The following GPR158 variants were observed in gnomAD, a reference collection of about 807,000 sequenced individuals.
GPR158 encodes metabotropic glycine receptor.
Under a neutral mutation model 78.2 loss-of-function variants are expected in GPR158, and 30 were observed. The observed-to-expected ratio is 0.38, with a 90% CI of 0.29 to 0.52. The LOEUF (loss-of-function observed/expected upper bound fraction) is 0.52, where lower values mean the gene tolerates loss of function less well. GPR158 is among the 20% of genes least tolerant of loss of function. The pLI, the probability that GPR158 is intolerant of heterozygous loss-of-function variation, is 0.83. For synonymous variants in GPR158, 581 were observed against 591.1 expected (o/e 0.98, Z 0.25); for missense variants, 1,463 against 1,523.5 (o/e 0.96, Z 0.66).
chr10:25,484,049 G>C (rs756255310), intron 5 of GPR158, among the ~76,000 whole-genome samples: 10 of 152,070 alleles, frequency 6.6e-5, no homozygotes, highest in African/African-American at 2.4e-4. Context: ...TTATAGAAAA[G>C]ACCGATAATA....
chr10:25,284,791 G>A (rs1854324548), intron 2 of GPR158, among the ~76,000 whole-genome samples: 1 of 151,122 alleles, frequency 6.6e-6, no homozygotes, highest in African/African-American at 2.4e-5. Flanking sequence ...AAATATTTTA[G>A]TGGTTACTGT....
intron 4 of GPR158, among the ~76,000 whole-genome samples, chr10:25,425,139 C>G (rs1393022904): frequency 2.0e-5 from 3 of 151,034 alleles, no homozygotes; most frequent in Non-Finnish European, 4.4e-5. Flanking sequence ...TTATTCTCTT[C>G]AATTGTGAAT....
At chr10:25,558,343 G>T (rs1288895750) in intron 6 of GPR158, among the ~76,000 whole-genome samples, 1 of 152,194 alleles carries the variant, frequency 6.6e-6, no homozygotes. Context: ...TTCTTCGTTA[G>T]CAACTCTCTG....
At chr10:25,582,981 G>A (rs1379005841) in intron 7 of GPR158, among the ~76,000 whole-genome samples, 1 of 152,180 alleles carries the variant, frequency 6.6e-6, no homozygotes, top group East Asian at 1.9e-4. Context: ...ATTTCCAGGG[G>A]TTAAGAAAAT....
At chr10:25,231,772 C>A (rs558822461) in intron 2 of GPR158, among the ~76,000 whole-genome samples, 3 of 152,224 alleles carry the variant, frequency 2.0e-5, no homozygotes, top group East Asian at 1.9e-4. Flanking sequence ...ACAGGGATGA[C>A]AAGAGGATTC....
intron 4 of GPR158, among the ~76,000 whole-genome samples, chr10:25,433,579 G>A (rs1439596456): frequency 4.9e-5 from 7 of 144,064 alleles, no homozygotes; most frequent in South Asian, 4.5e-4. Context: ...GTGCGCGCGC[G>A]CGTGCGCGTG....
chr10:25,307,981 G>C (rs1014213094), intron 2 of GPR158, among the ~76,000 whole-genome samples: 2 of 151,958 alleles, frequency 1.3e-5, no homozygotes, highest in Non-Finnish European at 2.9e-5. Context: ...CTAGATTGTT[G>C]TGTGATTTTA....
At chr10:25,376,388 T>A (rs1045212308) in intron 2 of GPR158, among the ~76,000 whole-genome samples, 2 of 151,678 alleles carry the variant, frequency 1.3e-5, no homozygotes, top group Admixed American at 1.3e-4. Context: ...ATGATGTATT[T>A]GGCTTTGTAT....
intron 2 of GPR158, among the ~76,000 whole-genome samples, chr10:25,246,195 G>A (rs879434790): frequency 6.6e-6 from 1 of 152,088 alleles, no homozygotes; most frequent in Non-Finnish European, 1.5e-5. Flanking sequence ...TAGCTGTGAG[G>A]GCTTGTTCTT....
intron 2 of GPR158, among the ~76,000 whole-genome samples, chr10:25,299,226 G>A (rs1854557412): frequency 6.6e-6 from 1 of 151,952 alleles, no homozygotes; most frequent in Admixed American, 6.5e-5. Flanking sequence ...TCACACTTAA[G>A]TGGGTGTGTG....
chr10:25,317,336 C>G (rs1588795481), intron 2 of GPR158, among the ~76,000 whole-genome samples: 1 of 152,274 alleles, frequency 6.6e-6, no homozygotes, highest in East Asian at 1.9e-4. Flanking sequence ...GTGTGAGCCA[C>G]TACACCTGGC....
intron 5 of GPR158, among the ~76,000 whole-genome samples, chr10:25,472,307 G>GTTCCA (rs1835518319): frequency 6.6e-6 from 1 of 151,936 alleles, no homozygotes. Context: ...GCTCTGTTCT[G>GTTCCA]TTCCATTGGT....
At chr10:25,190,888 G>T (rs1704518187) in intron 1 of GPR158, among the ~76,000 whole-genome samples, 1 of 152,172 alleles carries the variant, frequency 6.6e-6, no homozygotes, top group African/African-American at 2.4e-5. Flanking sequence ...GGAGCTTGTT[G>T]TTGTACACTA....
intron 4 of GPR158, among the ~76,000 whole-genome samples, chr10:25,460,730 A>G (rs925937156): frequency 1.3e-5 from 2 of 152,190 alleles, no homozygotes; most frequent in African/African-American, 4.8e-5. Flanking sequence ...GTACACAGAC[A>G]TACCTTGTTT....
intron 2 of GPR158, among the ~76,000 whole-genome samples, chr10:25,367,462 T>C (rs939244381): frequency 1.3e-5 from 2 of 151,870 alleles, no homozygotes; most frequent in African/African-American, 2.4e-5. Flanking sequence ...GATTTCGTTT[T>C]GGCTCTTCTT....
Position 25,352,241 on chromosome 10 carries a change from A to G in GPR158, c.1009-43670A>G, listed in dbSNP as rs1054420798. 5.3e-5 allele frequency among the ~76,000 whole-genome samples: 8 copies of G among 152,088 alleles called. No homozygotes were observed. The East Asian group carries it at 1.2e-3, about 22-fold the overall frequency. ...ACTCTAGTGAAACCCGTAGTGATAA[A>G]GGTAAGCCCATTACTTTAGTTAATT... On this transcript the variant is annotated intron_variant, in intron 2 of 10. Coordinates refer to ENST00000376351, the MANE Select transcript of GPR158 (RefSeq NM_020752.3).
At chr10:25,469,414 T>G (rs60262159) in intron 5 of GPR158, among the ~76,000 whole-genome samples, 3,294 of 152,248 alleles carry the variant, frequency 0.022, 126 homozygotes, top group African/African-American at 0.074. Flanking sequence ...AGCTCTATCC[T>G]TCTAGTTACT....
chr10:25,597,826 A>G lies in GPR158; in HGVS notation c.2200A>G (p.Ile734Val). Residue 734 changes from isoleucine to valine, a missense_variant, in exon 11 of 11, where the codon ATC becomes GTC. Coordinates refer to ENST00000376351, the MANE Select transcript of GPR158 (RefSeq NM_020752.3). The part of the protein sequence containing the change: ...QLEIYKRKKM[I>V]TNNPHLQKKR... ...GGAAATATATAAAAGAAAGAAGATG[A>G]TCACAAACAACCCCCACCTCCAGAA... 2.6e-6 allele frequency: 4 copies of G among 1,526,660 alleles called. No homozygotes were observed. The highest frequency in any genetic ancestry group is 3.5e-6 in the Non-Finnish European group (4 of 1,140,148). The allele number at this position is 1,526,660 out of a possible 1,614,324, so 94.6% of individuals were successfully genotyped here.
chr10:25,529,555 T>C lies in GPR158; in HGVS notation c.1405-21421T>C, dbSNP rs937798159. On this transcript the variant is annotated intron_variant, in intron 5 of 10. Coordinates refer to ENST00000376351, the MANE Select transcript of GPR158 (RefSeq NM_020752.3). ...GGAGGTTGCCCCCGTTACTCAGATA[T>C]TGCCTTTACTTGTGCTTCATTATTT... Among the ~76,000 whole-genome samples, 3 of 152,276 alleles carry C rather than the reference T, an allele frequency of 2.0e-5. No individual in the cohort carries two copies. The East Asian group carries it at 5.8e-4, about 29-fold the overall frequency.
Sources: gnomAD v4.1 joint callset for allele counts (sites outside exome capture counted in the v4.1 genomes callset) on GRCh38, gnomAD v4.1.1 for gene constraint, MANE v1.5 for transcripts, NCBI Gene and HGNC (gene_info 2026-07-23, HGNC 2026-07-21) for gene names.